The following TMEM132D variants were observed in gnomAD, a reference collection of about 807,000 sequenced individuals.
The protein encoded by TMEM132D is mature OL transmembrane protein.
Under a neutral mutation model 62.3 loss-of-function variants are expected in TMEM132D, and 21 were observed. The observed-to-expected ratio is 0.34, with a 90% CI of 0.24 to 0.49. TMEM132D has a LOEUF of 0.49. Ranked by LOEUF, TMEM132D falls within the 20% of genes least tolerant of loss-of-function variation. The pLI is 0.99. For synonymous variants in TMEM132D, 621 were observed against 575.6 expected, an observed-to-expected ratio of 1.08 and a Z score of -1.13; for missense variants, 1,346 against 1,402.8, an observed-to-expected ratio of 0.96 and a Z score of 0.65.
intron 1 of TMEM132D, among the ~76,000 whole-genome samples, chr12:129,820,506 G>C (rs1228748926): frequency 6.6e-6 from 1 of 152,214 alleles, no homozygotes; most frequent in Non-Finnish European, 1.5e-5. Flanking sequence ...CACAGATGCA[G>C]ACACAAGGTT....
chr12:129,603,320 T>G (rs1238243103), intron 2 of TMEM132D, among the ~76,000 whole-genome samples: 1 of 152,162 alleles, frequency 6.6e-6, no homozygotes, highest in East Asian at 1.9e-4. Context: ...CCAACCCAAT[T>G]CCTGGAAACC....
At chr12:129,162,247 A>T (rs1356400088) in intron 5 of TMEM132D, among the ~76,000 whole-genome samples, 2 of 152,186 alleles carry the variant, frequency 1.3e-5, no homozygotes, top group Non-Finnish European at 2.9e-5. Context: ...TGCATGCTCC[A>T]TGCACTGAGG....
intron 3 of TMEM132D, among the ~76,000 whole-genome samples, chr12:129,367,858 T>C: frequency 6.7e-6 from 1 of 150,046 alleles, no homozygotes; most frequent in East Asian, 2.0e-4. Context: ...CAATCTTGGC[T>C]CACTGCAATC....
chr12:129,815,525 A>T (rs913742582), intron 1 of TMEM132D, among the ~76,000 whole-genome samples: 2 of 152,166 alleles, frequency 1.3e-5, no homozygotes, highest in African/African-American at 2.4e-5. Flanking sequence ...CCCACCCTGC[A>T]GGGGCCCGAC....
At chr12:129,719,743 T>G (rs1868752744) in intron 1 of TMEM132D, among the ~76,000 whole-genome samples, 1 of 152,266 alleles carries the variant, frequency 6.6e-6, no homozygotes, top group Admixed American at 6.5e-5. Context: ...GCATTTGCTT[T>G]AGACAGTAAC....
In TMEM132D at chr12:129,757,647, C is replaced by T. The variant is rs150067702; in HGVS notation, c.80-56949G>A. Reference sequence around the variant, plus strand: ...AAATCTGGACAAATCCTCATGACTTCCTCCAGAGCTGCCACCCTACAGCAG... The same window carrying T: ...AAATCTGGACAAATCCTCATGACTTTCTCCAGAGCTGCCACCCTACAGCAG... On this transcript the variant is annotated intron_variant, in intron 1 of 8. Coordinates refer to ENST00000422113, the MANE Select transcript of TMEM132D (RefSeq NM_133448.3). 3.3e-5 allele frequency among the ~76,000 whole-genome samples: 5 copies of T among 152,284 alleles called. No individual in the cohort carries two copies. In the East Asian group the frequency reaches 9.7e-4, roughly 29 times the overall value.
At chr12:129,724,056 T>C (rs1327178459) in intron 1 of TMEM132D, among the ~76,000 whole-genome samples, 1 of 152,172 alleles carries the variant, frequency 6.6e-6, no homozygotes, top group African/African-American at 2.4e-5. Context: ...AGGGACTTTA[T>C]AAGAAGGAGA....
chr12:129,695,641 A>G (rs1272598181), intron 2 of TMEM132D, among the ~76,000 whole-genome samples: 5 of 152,266 alleles, frequency 3.3e-5, no homozygotes, highest in Non-Finnish European at 7.3e-5. Context: ...TTCTTAATGA[A>G]GGGTAATTCG....
chr12:129,447,601 T>C (rs1018769197), intron 3 of TMEM132D, among the ~76,000 whole-genome samples: 4 of 152,110 alleles, frequency 2.6e-5, no homozygotes, highest in African/African-American at 9.7e-5. Context: ...ACCAGAATGA[T>C]GGGAAAAAAA....
At chr12:129,535,373 C>T (rs1030517720) in intron 2 of TMEM132D, among the ~76,000 whole-genome samples, 1 of 152,166 alleles carries the variant, frequency 6.6e-6, no homozygotes, top group African/African-American at 2.4e-5. Context: ...CCCACTGTGA[C>T]CCTGTCACTA....
At chr12:129,138,975 T>C (rs564407348) in intron 5 of TMEM132D, among the ~76,000 whole-genome samples, 2 of 152,280 alleles carry the variant, frequency 1.3e-5, no homozygotes, top group South Asian at 4.1e-4. Context: ...ACATCCTGAC[T>C]TTCAGCTCTG....
At chr12:129,809,294 C>T (rs1424175152) in intron 1 of TMEM132D, among the ~76,000 whole-genome samples, 6 of 134,002 alleles carry the variant, frequency 4.5e-5, no homozygotes, top group African/African-American at 1.1e-4. Flanking sequence ...GGCGACAGAG[C>T]GAGACTCCAT....
At chr12:129,768,610 A>G (rs533543068) in intron 1 of TMEM132D, among the ~76,000 whole-genome samples, 1 of 152,110 alleles carries the variant, frequency 6.6e-6, no homozygotes, top group Non-Finnish European at 1.5e-5. Context: ...GCTGAGTTAT[A>G]CATCATCAGT....
intron 1 of TMEM132D, among the ~76,000 whole-genome samples, chr12:129,704,045 G>A (rs1331423838): frequency 6.6e-6 from 1 of 152,096 alleles, no homozygotes; most frequent in African/African-American, 2.4e-5. Flanking sequence ...AGAATGATTA[G>A]GGCAGCCAGA....
chr12:129,445,302 C>A (rs1216707233), intron 3 of TMEM132D, among the ~76,000 whole-genome samples: 2 of 151,962 alleles, frequency 1.3e-5, no homozygotes, highest in Non-Finnish European at 2.9e-5. Flanking sequence ...ACGCTGGGGC[C>A]TATGGGAGGG....
chr12:129,801,541 TCAC>T (rs1871784677), intron 1 of TMEM132D, among the ~76,000 whole-genome samples: 1 of 150,498 alleles, frequency 6.6e-6, no homozygotes, highest in Non-Finnish European at 1.5e-5. Flanking sequence ...CATCTGTACA[TCAC>T]CATCATCAAA....
At chr12:129,271,725 G>T (rs1212572352) in intron 4 of TMEM132D, among the ~76,000 whole-genome samples, 1 of 151,762 alleles carries the variant, frequency 6.6e-6, no homozygotes, top group African/African-American at 2.4e-5. Flanking sequence ...CCATGTCTCT[G>T]CAAAGGACAT....
intron 1 of TMEM132D, among the ~76,000 whole-genome samples, chr12:129,711,758 T>C (rs1238699268): frequency 6.8e-6 from 1 of 147,880 alleles, no homozygotes; most frequent in Non-Finnish European, 1.5e-5. Flanking sequence ...GATGGGATTA[T>C]ATAAAGGATG....
chr12:129,720,005 A>G (rs1868761795), intron 1 of TMEM132D, among the ~76,000 whole-genome samples: 2 of 152,178 alleles, frequency 1.3e-5, no homozygotes, highest in African/African-American at 4.8e-5. Flanking sequence ...TTAAAGACTC[A>G]AGATCAAGAA....
Sources: gnomAD v4.1 joint callset for allele counts (sites outside exome capture counted in the v4.1 genomes callset) on GRCh38, gnomAD v4.1.1 for gene constraint, MANE v1.5 for transcripts, NCBI Gene and HGNC (gene_info 2026-07-23, HGNC 2026-07-21) for gene names.